Variants in SLC16A4 observed in about 807,000 individuals in gnomAD.
SLC16A4 encodes solute carrier family 16 member 4.
SLC16A4 carries 39 observed loss-of-function variants against 47.9 expected under a neutral mutation model. The observed-to-expected ratio is 0.81, with a 90% confidence interval of 0.63 to 1.06. SLC16A4 has a LOEUF of 1.06. SLC16A4 is among the 50% of genes least tolerant of loss of function. The pLI, the probability that SLC16A4 is intolerant of heterozygous loss-of-function variation, is 0.00. For synonymous variants in SLC16A4, 189 were observed against 199.9 expected (o/e 0.95, Z 0.46); for missense variants, 524 against 573.8 (o/e 0.91, Z 0.89).
At chr1:110,377,239 A>C (rs1427067536) in intron 6 of SLC16A4, 78 bp from the exon 7 acceptor site, 2 of 1,186,320 alleles carry the variant, frequency 1.7e-6, no homozygotes, top group African/African-American at 3.0e-5. Context: ...TTTCCCAAGT[A>C]ATATGATCTC....
At chr1:110,390,800 G>C (rs1662999661) in intron 1 of SLC16A4, 65 bp downstream of exon 1, 1 of 152,200 alleles carries the variant, frequency 6.6e-6, no homozygotes, top group African/African-American at 2.4e-5. Context: ...GAGCAGGCTG[G>C]GTGGGGAGAG....
At position 110,390,862 on chromosome 1, in the gene SLC16A4, T is replaced by TA. The variant is rs1663003719; in HGVS notation, c.-33+2dup. 1 of 152,220 alleles carries TA rather than the reference T, an allele frequency of 6.6e-6. No individual in the cohort carries two copies. The allele number at this position is 152,220 out of a possible 1,614,324, so 9.4% of individuals were successfully genotyped here. On this transcript the variant is annotated splice_region_variant and intron_variant, in intron 1 of 8. Transcript: ENST00000369779. Reference sequence around the variant, plus strand: ...CCAGCACACAGTCCCATTCCCATCTTACCTTTGATGTGGTGTTCAGCAAAG... The same window carrying TA: ...CCAGCACACAGTCCCATTCCCATCTTAACCTTTGATGTGGTGTTCAGCAAAG...
chr1:110,371,202 T>C (rs1308441377), intron 8 of SLC16A4: 1 of 152,200 alleles, frequency 6.6e-6, no homozygotes, highest in Non-Finnish European at 1.5e-5. Context: ...TTATAGTGTT[T>C]TAGGGAGTTT....
intron 8 of SLC16A4, 44 bp from the exon 9 acceptor site, chr1:110,363,937 A>G (rs553500749): frequency 4.4e-6 from 7 of 1,585,648 alleles, no homozygotes; most frequent in Non-Finnish European, 6.0e-6. Flanking sequence ...AAATTTTGCC[A>G]TTAGTAACTC....
chr1:110,379,512 G>C (rs1662232573), intron 5 of SLC16A4, among the ~76,000 whole-genome samples, 156 bp from the exon 6 acceptor site: 1 of 151,856 alleles, frequency 6.6e-6, no homozygotes, highest in Non-Finnish European at 1.5e-5. Context: ...ATACACTGCT[G>C]TATCCGTGTA....
intron 8 of SLC16A4, chr1:110,370,788 A>G (rs1661648340): frequency 1.3e-5 from 2 of 152,342 alleles, no homozygotes; most frequent in Non-Finnish European, 2.9e-5. Context: ...TACTCGTGAA[A>G]TACCTGCCTT....
chr1:110,384,946 G>A (rs1201900410), intron 2 of SLC16A4, among the ~76,000 whole-genome samples: 2 of 152,192 alleles, frequency 1.3e-5, no homozygotes, highest in Admixed American at 6.5e-5. Flanking sequence ...CTGGGAGGTC[G>A]AGGGTACGGT....
chr1:110,381,056 G>T lies in SLC16A4; in HGVS notation c.452C>A (p.Ala151Asp), dbSNP rs778491326. The change falls in exon 5 of 9, where the codon GCC (alanine) becomes GAC (aspartate). Residue 151 changes from alanine (A) to aspartate (D), a missense_variant. Coordinates refer to ENST00000369779, the MANE Select transcript of SLC16A4 (RefSeq NM_004696.3). Reference protein sequence around the residue: ...KKRLALSTAIARSGMGLTFLL... With the variant: ...KKRLALSTAIDRSGMGLTFLL... The stretch of plus-strand genomic sequence containing the variant: ...AAAAGTCAGTCCCATCCCAGAACGG[G>T]CAATAGCTGTAGAAAGAGCCAATCG... 40 of 1,613,850 alleles carry T rather than the reference G, an allele frequency of 2.5e-5. No homozygotes were observed. Among genetic ancestry groups the T allele is most frequent in the Non-Finnish European group, 3.2e-5 (38 of 1,179,888 alleles).
Position 110,381,081 on chromosome 1 carries a change from G to A in SLC16A4, c.427C>T (p.Arg143Ter), listed in dbSNP as rs746446768. ...GCAATAGCTGTAGAAAGAGCCAATC[G>A]TTTTTTGAAGTATTTGGTAGTTACC... is the stretch of plus-strand genomic sequence containing the variant. ...AVVTTKYFKK[R>*]LALSTAIARS... Residue 143 changes from arginine to a stop codon, truncating the protein, a stop_gained, in exon 5 of 9, where the codon CGA becomes TGA. Coordinates refer to ENST00000369779, the MANE Select transcript of SLC16A4 (RefSeq NM_004696.3). LOFTEE classifies it high-confidence loss of function. 10 of 1,613,978 alleles carry A rather than the reference G, an allele frequency of 6.2e-6. No homozygotes were observed. Among genetic ancestry groups the A allele is most frequent in the Admixed American group, 1.7e-5 (1 of 59,998 alleles).
At chr1:110,380,410 A>G (rs1165170771) in intron 5 of SLC16A4, among the ~76,000 whole-genome samples, 1 of 152,230 alleles carries the variant, frequency 6.6e-6, no homozygotes, top group East Asian at 1.9e-4. Flanking sequence ...ATTTTAATCC[A>G]AATGTCTTAG....
In SLC16A4 at chr1:110,381,716, T is replaced by C. The variant is rs532521833; in HGVS notation, c.300A>G (p.Gly100=). 1.5e-5 allele frequency: 25 copies of C among 1,613,764 alleles called. No individual in the cohort carries two copies. The highest frequency in any genetic ancestry group is 1.4e-4 in the South Asian group (13 of 91,018). The change falls in exon 4 of 9, where the codon GGA becomes GGG. Residue 100 remains glycine (G), a synonymous_variant. Transcript: ENST00000369779. ...TTGTGGCCCAGCTGCTGATCAGATA[T>C]CCACCAGTAACAACGAAAGCCCCAA... ...SILGAFVVTG[G]YLISSWATSI...
At chr1:110,385,268 C>T (rs1402097096) in intron 2 of SLC16A4, among the ~76,000 whole-genome samples, 3 of 152,150 alleles carry the variant, frequency 2.0e-5, no homozygotes, top group African/African-American at 4.8e-5. Context: ...CAACTTCGCA[C>T]GTCACATGGG....
chr1:110,375,030 G>C (rs1277611316), intron 8 of SLC16A4: 1 of 156,666 alleles, frequency 6.4e-6, no homozygotes, highest in African/African-American at 2.4e-5. Context: ...GACAAGGTCT[G>C]TCTGTTGCCC....
At chr1:110,365,488 A>G (rs1013404452) in intron 8 of SLC16A4, among the ~76,000 whole-genome samples, 1 of 152,236 alleles carries the variant, frequency 6.6e-6, no homozygotes, top group African/African-American at 2.4e-5. Context: ...ACTAACTTTA[A>G]GTTGCTTTTT....
intron 8 of SLC16A4, 123 bp from the exon 9 acceptor site, chr1:110,364,016 T>G (rs1012455850): frequency 1.5e-5 from 14 of 945,870 alleles, no homozygotes; most frequent in Non-Finnish European, 2.1e-5. Context: ...TAGTGAAGCT[T>G]CTTAGCTGCC....
chr1:110,369,040 C>G (rs903414156), intron 8 of SLC16A4, among the ~76,000 whole-genome samples: 1 of 151,648 alleles, frequency 6.6e-6, no homozygotes, highest in Non-Finnish European at 1.5e-5. Context: ...CTGCAACCTC[C>G]TCCTCCTGGG....
intron 2 of SLC16A4, 117 bp downstream of exon 2, chr1:110,389,120 C>T: frequency 3.3e-6 from 3 of 903,768 alleles, no homozygotes; most frequent in Non-Finnish European, 5.5e-6. Context: ...TCCTGCCCAC[C>T]CCTCCACTCA....
intron 8 of SLC16A4, among the ~76,000 whole-genome samples, chr1:110,369,188 C>T (rs758820467): frequency 6.6e-6 from 1 of 151,990 alleles, no homozygotes; most frequent in African/African-American, 2.4e-5. Flanking sequence ...CTCTTGACCT[C>T]GTGATCTACC....
chr1:110,379,611 G>A (rs1215850795), intron 5 of SLC16A4, among the ~76,000 whole-genome samples: 1 of 152,004 alleles, frequency 6.6e-6, no homozygotes, highest in African/African-American at 2.4e-5. Context: ...TGTTAAGGGG[G>A]GTAGGGGGGG....
Sources: allele counts gnomAD v4.1 joint callset (sites outside exome capture counted in the v4.1 genomes callset), GRCh38; gene constraint gnomAD v4.1.1; transcripts MANE v1.5; gene names NCBI Gene and HGNC (gene_info 2026-07-23, HGNC 2026-07-21).